WASHC4: variants seen among roughly 807,000 people sequenced by gnomAD.
The protein encoded by WASHC4 is WASH complex subunit 7.
Under a neutral mutation model 166.6 loss-of-function variants are expected in WASHC4, and 86 were observed. The observed-to-expected ratio is 0.52, with a 90% confidence interval of 0.43 to 0.62. The LOEUF is 0.62. Ranked by LOEUF, WASHC4 falls within the 20% of genes least tolerant of loss-of-function variation. The probability of loss-of-function intolerance (pLI) is 0.00; values close to 1 mark genes in which losing one functional copy is unlikely to be tolerated. For missense variants in WASHC4, 1,262 were observed against 1,382.4 expected, an observed-to-expected ratio of 0.91 and a Z score of 1.38; for synonymous variants, 446 against 451.6, an observed-to-expected ratio of 0.99 and a Z score of 0.16.
rs966518831 is a variant in WASHC4, at chr12:105,159,919, T to C, written c.2913-82T>C. On this transcript the variant is annotated intron_variant, in intron 28 of 32. Coordinates refer to ENST00000332180, the MANE Select transcript of WASHC4 (RefSeq NM_015275.3). ...AGTGTTTCCTGCTTTTCAAGTGTTC[T>C]TATCTAAACTATTGAGAGATGGATT... 1.5e-5 allele frequency: 19 copies of C among 1,268,902 alleles called. No homozygotes were observed. In the African/African-American group the frequency reaches 2.5e-4, roughly 17 times the overall value. 78.6% of individuals were successfully genotyped at this position (1,268,902 alleles called of 1,614,324 possible).
chr12:105,115,745 T>C lies in WASHC4; in HGVS notation c.435+17T>C, dbSNP rs1215853860. On this transcript the variant is annotated intron_variant, in intron 6 of 32. Coordinates refer to ENST00000332180, the MANE Select transcript of WASHC4 (RefSeq NM_015275.3). Reference sequence around the variant, plus strand: ...TTCTTACAGGTAACTGATTTTTACTTTCTACTGAGCTTTTACTTCAAAAAG... The same window carrying C: ...TTCTTACAGGTAACTGATTTTTACTCTCTACTGAGCTTTTACTTCAAAAAG... 1 of 1,523,860 alleles carries C rather than the reference T, an allele frequency of 6.6e-7. No homozygotes were observed. The highest frequency in any genetic ancestry group is 9.1e-7 in the Non-Finnish European group (1 of 1,097,896). The allele number at this position is 1,523,860 out of a possible 1,614,324, so 94.4% of individuals were successfully genotyped here.
Position 105,126,121 on chromosome 12 carries a change from A to G in WASHC4, c.904A>G (p.Lys302Glu). The change falls in exon 11 of 33, where the codon AAA becomes GAA. Residue 302 changes from lysine to glutamate, a missense_variant. Lys to Glu is a moderately conservative substitution (Grantham distance 56, BLOSUM62 1). Coordinates refer to ENST00000332180, the MANE Select transcript of WASHC4 (RefSeq NM_015275.3). ...IRSIFANVEA[K>E]LGEPSEIDQR... ...GTCAATTTTTGCAAATGTAGAAGCC[A>G]AACTTGGTAATGTAAATCGCATTTT... 6.2e-7 allele frequency: 1 copy of G among 1,613,044 alleles called. No homozygotes were observed. Among genetic ancestry groups the G allele is most frequent in the Non-Finnish European group, 8.5e-7 (1 of 1,179,338 alleles).
At chr12:105,131,338 G>A (rs372361472) in intron 13 of WASHC4, among the ~76,000 whole-genome samples, 4 of 150,596 alleles carry the variant, frequency 2.7e-5, no homozygotes, top group African/African-American at 2.4e-5. Flanking sequence ...CACCCGCCTC[G>A]GCCTCCCAAA....
intron 7 of WASHC4, among the ~76,000 whole-genome samples, chr12:105,118,942 A>T (rs1452884069): frequency 6.6e-6 from 1 of 152,246 alleles, no homozygotes; most frequent in Non-Finnish European, 1.5e-5. Flanking sequence ...TTTTGTGAGT[A>T]GTTCTAATGG....
rs1039845218 is a variant in WASHC4 at position 105,127,028 on chromosome 12, C to T, written c.1039-101C>T. On this transcript the variant is annotated intron_variant, in intron 12 of 32. Transcript: ENST00000332180. Reference sequence around the variant, plus strand: ...TAAGTATTTTTTGTGGTTATTTTTTCTTGAAATCAGTTGTCTTCCATGTGT... The same window carrying T: ...TAAGTATTTTTTGTGGTTATTTTTTTTTGAAATCAGTTGTCTTCCATGTGT... 1.1e-5 allele frequency: 11 copies of T among 976,230 alleles called. No homozygotes were observed. In the African/African-American group the frequency reaches 1.1e-4, roughly 10 times the overall value. The allele number at this position is 976,230 out of a possible 1,614,324, so 60.5% of individuals were successfully genotyped here. A position where few individuals can be genotyped will look rare whatever the true frequency, so the allele number is the denominator to read the frequency against.
At chr12:105,118,052 C>T (rs1043627814) in intron 6 of WASHC4, among the ~76,000 whole-genome samples, 1 of 152,150 alleles carries the variant, frequency 6.6e-6, no homozygotes, top group African/African-American at 2.4e-5. Context: ...TTTTGAGCTC[C>T]TTCACTCACT....
At chr12:105,151,425 TTCTCA>T in intron 25 of WASHC4, among the ~76,000 whole-genome samples, 1 of 152,292 alleles carries the variant, frequency 6.6e-6, no homozygotes, top group Non-Finnish European at 1.5e-5. Flanking sequence ...AAATATTACT[TTCTCA>T]TAGGATAATC....
intron 29 of WASHC4, 131 bp downstream of exon 29, chr12:105,160,279 GTGATC>G (rs1389739446): frequency 2.7e-6 from 2 of 750,460 alleles, no homozygotes; most frequent in African/African-American, 3.5e-5. Context: ...AAAACTAAAT[GTGATC>G]TCAGTGAATG....
intron 13 of WASHC4, among the ~76,000 whole-genome samples, chr12:105,132,983 C>T (rs1291352582): frequency 1.3e-5 from 2 of 152,052 alleles, no homozygotes; most frequent in Non-Finnish European, 2.9e-5. Flanking sequence ...GGTGGTTTTC[C>T]TGCTTTTACC....
At chr12:105,152,598 T>C in intron 26 of WASHC4, 147 bp downstream of exon 26, 1 of 661,580 alleles carries the variant, frequency 1.5e-6, no homozygotes, top group Non-Finnish European at 2.8e-6. Flanking sequence ...CCCCAAAATT[T>C]GTAAGTATGA....
chr12:105,161,320 TTAAC>T (rs1299714695), intron 29 of WASHC4, among the ~76,000 whole-genome samples: 1 of 152,270 alleles, frequency 6.6e-6, no homozygotes, highest in African/African-American at 2.4e-5. Context: ...TAATTGTATT[TTAAC>T]TATGATATAG....
intron 10 of WASHC4, among the ~76,000 whole-genome samples, chr12:105,124,746 T>C (rs1460437023): frequency 6.6e-6 from 1 of 152,200 alleles, no homozygotes; most frequent in Non-Finnish European, 1.5e-5. Flanking sequence ...CCCAAAGTCC[T>C]GGGATTACAG....
chr12:105,138,662 A>T (rs920264829), intron 15 of WASHC4, among the ~76,000 whole-genome samples: 6 of 152,158 alleles, frequency 3.9e-5, no homozygotes, highest in Non-Finnish European at 7.4e-5. Context: ...TCTCCTAATA[A>T]TTGACTAGAT....
At chr12:105,134,102 A>G (rs1882101651) in intron 14 of WASHC4, among the ~76,000 whole-genome samples, 1 of 152,110 alleles carries the variant, frequency 6.6e-6, no homozygotes, top group African/African-American at 2.4e-5. Context: ...TTGACTATTT[A>G]GCTGTATCGT....
Position 105,138,000 on chromosome 12 carries a change from G to T in WASHC4, c.1441G>T (p.Glu481Ter). ...TSVKALCRLV[E>*]LLKAIEHMFY... ...AGTTAAGGCATTGTGCAGGCTTGTT[G>T]AACTTCTCAAGGTAGGTTTTAGATT... Residue 481 changes from glutamate to a stop codon, truncating the protein, a stop_gained, in exon 15 of 33, where the codon GAA becomes TAA. Coordinates refer to ENST00000332180, the MANE Select transcript of WASHC4 (RefSeq NM_015275.3). LOFTEE classifies it high-confidence loss of function. The T allele has an allele frequency of 1.2e-6, 2 of 1,612,556 alleles. No homozygotes were observed. The highest frequency in any genetic ancestry group is 2.2e-5 in the South Asian group (2 of 90,874).
At chr12:105,128,353 A>G (rs982671179) in intron 13 of WASHC4, among the ~76,000 whole-genome samples, 3 of 152,230 alleles carry the variant, frequency 2.0e-5, no homozygotes, top group Non-Finnish European at 2.9e-5. Context: ...AATACAAGAT[A>G]TATGTAGAGA....
chr12:105,144,873 G>A lies in WASHC4; in HGVS notation c.2334+1G>A. On this transcript the variant is annotated splice_donor_variant, in intron 22 of 32. Transcript: ENST00000332180. LOFTEE classifies it high-confidence loss of function. The stretch of plus-strand genomic sequence containing the variant: ...TCTTCCCAGTCAGACTTTGGAACAG[G>A]TATAGTATAAAATGTTTTTTTTAGC... 6.2e-7 allele frequency: 1 copy of A among 1,610,434 alleles called. No individual in the cohort carries two copies. Among genetic ancestry groups the A allele is most frequent in the Admixed American group, 1.7e-5 (1 of 59,592 alleles).
Position 105,160,137 on chromosome 12 carries a change from G to T in WASHC4, c.3049G>T (p.Val1017Phe), listed in dbSNP as rs750990827. 1.5e-5 allele frequency: 25 copies of T among 1,613,512 alleles called. No individual in the cohort carries two copies. Among genetic ancestry groups the T allele is most frequent in the Non-Finnish European group, 2.0e-5 (24 of 1,179,614 alleles). The change falls in exon 29 of 33, where the codon GTT becomes TTT. Residue 1017 changes from valine to phenylalanine, a missense_variant. By Grantham distance (50) the Val-to-Phe change is conservative. Coordinates refer to ENST00000332180, the MANE Select transcript of WASHC4 (RefSeq NM_015275.3). ...NIHLRNFYII[V>F]PPLTLNFVEH... The stretch of plus-strand genomic sequence containing the variant: ...ACATCTCCGAAATTTCTATATAATT[G>T]TTCCCCCTCTGGTGAGTATTTCCAG...
At chr12:105,154,943 G>A (rs1479943201) in intron 26 of WASHC4, among the ~76,000 whole-genome samples, 1 of 152,178 alleles carries the variant, frequency 6.6e-6, no homozygotes, top group African/African-American at 2.4e-5. Flanking sequence ...CCTTAAAATA[G>A]ATTCAATGTT....
Sources: gnomAD v4.1 joint callset for allele counts (sites outside exome capture counted in the v4.1 genomes callset) on GRCh38, gnomAD v4.1.1 for gene constraint, MANE v1.5 for transcripts, NCBI Gene and HGNC (gene_info 2026-07-23, HGNC 2026-07-21) for gene names.